The following CPEB1 variants were observed in gnomAD, a reference collection of about 807,000 sequenced individuals.
CPEB1 encodes the protein cytoplasmic polyadenylation element-binding protein 1.
In CPEB1, 7 loss-of-function variants were observed where a neutral mutation model predicts 65.8. The ratio of observed to expected loss-of-function variants is 0.11; its 90% CI spans 0.06 to 0.20. The LOEUF (loss-of-function observed/expected upper bound fraction) is 0.20. CPEB1 is among the 10% of genes least tolerant of loss of function. CPEB1 has a pLI of 1.00. For missense variants in CPEB1, 551 were observed against 712.2 expected, an observed-to-expected ratio of 0.77 and a Z score of 2.58; for synonymous variants, 262 against 260.0, an observed-to-expected ratio of 1.01 and a Z score of -0.08.
intron 4 of CPEB1, among the ~76,000 whole-genome samples, chr15:82,560,094 C>T (rs2037941917): frequency 6.6e-6 from 1 of 152,106 alleles, no homozygotes; most frequent in African/African-American, 2.4e-5. Flanking sequence ...AAAAAAGTTC[C>T]TTGACAAACT....
At chr15:82,584,571 T>G (rs1156360958) in intron 3 of CPEB1, among the ~76,000 whole-genome samples, 7 of 148,720 alleles carry the variant, frequency 4.7e-5, no homozygotes, top group Admixed American at 2.0e-4. Context: ...TCAGCTACTC[T>G]AGAGGCTGAG....
chr15:82,567,775 A>T (rs2039396673), intron 4 of CPEB1, among the ~76,000 whole-genome samples: 1 of 152,178 alleles, frequency 6.6e-6, no homozygotes. Context: ...GGGCTTCTGT[A>T]CAAGGCATCA....
At chr15:82,598,408 C>T (rs775596779) in intron 3 of CPEB1, among the ~76,000 whole-genome samples, 5 of 152,066 alleles carry the variant, frequency 3.3e-5, no homozygotes, top group Admixed American at 1.3e-4. Context: ...GCAGGAGAAT[C>T]GCTTGAACGT....
At chr15:82,571,628 G>C in intron 3 of CPEB1, 96 bp from the exon 4 acceptor site, 1 of 1,484,340 alleles carries the variant, frequency 6.7e-7, no homozygotes, top group Non-Finnish European at 8.9e-7. Flanking sequence ...GTTTCCCCAG[G>C]CTCACAGGCC....
intron 3 of CPEB1, among the ~76,000 whole-genome samples, chr15:82,604,182 C>T (rs747556756): frequency 6.6e-6 from 1 of 152,054 alleles, no homozygotes; most frequent in Non-Finnish European, 1.5e-5. Flanking sequence ...GGCTCCATTG[C>T]TACAAAAAAC....
At chr15:82,605,138 C>T (rs766225093) in intron 3 of CPEB1, among the ~76,000 whole-genome samples, 4 of 152,142 alleles carry the variant, frequency 2.6e-5, no homozygotes, top group African/African-American at 7.2e-5. Context: ...AATTTTTTAT[C>T]ACCAACACGA....
At chr15:82,614,407 T>C (rs901791329) in intron 3 of CPEB1, among the ~76,000 whole-genome samples, 3 of 152,198 alleles carry the variant, frequency 2.0e-5, no homozygotes, top group South Asian at 2.1e-4. Context: ...ATATTCTATG[T>C]TTAACAATTT....
At chr15:82,568,386 A>AGC (rs2039486161) in intron 4 of CPEB1, among the ~76,000 whole-genome samples, 1 of 152,182 alleles carries the variant, frequency 6.6e-6, no homozygotes, top group Admixed American at 6.5e-5. Flanking sequence ...GAGAAAGGGT[A>AGC]GCACTGGGGT....
intron 4 of CPEB1, among the ~76,000 whole-genome samples, chr15:82,566,461 A>G (rs1165336831): frequency 2.0e-5 from 3 of 152,068 alleles, no homozygotes; most frequent in African/African-American, 7.2e-5. Flanking sequence ...CATTCATTCC[A>G]TGTATGAAAA....
intron 1 of CPEB1, among the ~76,000 whole-genome samples, chr15:82,646,678 GC>G (rs71455415): frequency 0.015 from 2,220 of 152,336 alleles, 28 homozygotes; most frequent in East Asian, 0.023. Flanking sequence ...CGGGGTCAAC[GC>G]GGGGCCGCTC....
rs138778202 is a variant in CPEB1 at position 82,627,077 on chromosome 15, G to A, written c.271+116C>T. 2,135 of 790,154 alleles carry A rather than the reference G, an allele frequency of 2.7e-3. 10 individuals carry two copies. Among genetic ancestry groups the A allele is most frequent in the Middle Eastern group, 0.015 (38 of 2,524 alleles). The allele number at this position is 790,154 out of a possible 1,614,324, so 48.9% of individuals were successfully genotyped here. On this transcript the variant is annotated intron_variant, in intron 3 of 12. Coordinates refer to ENST00000684509, the MANE Select transcript of CPEB1 (RefSeq NM_001365242.1). ...ACTAAACCACAAAAAGGCAAGTATT[G>A]CCAGCAACTCAACATTGTTCTTCAC...
At chr15:82,558,175 G>A (rs17507216) in intron 4 of CPEB1, among the ~76,000 whole-genome samples, 189 bp from the exon 5 acceptor site, 28,208 of 152,198 alleles carry the variant, frequency 0.19, 2,862 homozygotes, top group Non-Finnish European at 0.24. Flanking sequence ...CCTTGTTAGA[G>A]GAAGTTACAA....
intron 3 of CPEB1, among the ~76,000 whole-genome samples, chr15:82,589,028 CTT>C (rs1028293952): frequency 1.3e-5 from 2 of 152,206 alleles, no homozygotes; most frequent in African/African-American, 2.4e-5. Flanking sequence ...CCGCAATCGT[CTT>C]GTTGAACCTA....
chr15:82,579,257 TTC>T (rs2040980020), intron 3 of CPEB1, among the ~76,000 whole-genome samples: 1 of 151,386 alleles, frequency 6.6e-6, no homozygotes, highest in South Asian at 2.1e-4. Context: ...AGCCCAGGAG[TTC>T]AAGACTGCCT....
upstream of CPEB1, chr15:82,647,438 C>T (rs917901890): frequency 1.2e-5 from 2 of 163,012 alleles, no homozygotes; most frequent in Non-Finnish European, 2.6e-5. Flanking sequence ...TAAAGAGACC[C>T]GCAGGGGGCG....
At chr15:82,563,360 T>TTC (rs1350846754) in intron 4 of CPEB1, among the ~76,000 whole-genome samples, 1 of 143,976 alleles carries the variant, frequency 6.9e-6, no homozygotes, top group East Asian at 2.0e-4. Context: ...CTCTATTCTT[T>TTC]TTTTTTTTTT....
At chr15:82,635,743 A>G (rs1028628649) in intron 1 of CPEB1, among the ~76,000 whole-genome samples, 5 of 152,240 alleles carry the variant, frequency 3.3e-5, no homozygotes, top group African/African-American at 1.2e-4. Context: ...GATCAAGCAT[A>G]AAATGCTATA....
At chr15:82,597,455 G>A (rs995352780) in intron 3 of CPEB1, among the ~76,000 whole-genome samples, 23 of 152,340 alleles carry the variant, frequency 1.5e-4, no homozygotes, top group Non-Finnish European at 2.8e-4. Context: ...GCAGGGGGAA[G>A]CATATTACAG....
intron 4 of CPEB1, among the ~76,000 whole-genome samples, chr15:82,561,436 A>G (rs2038182008): frequency 6.6e-6 from 1 of 152,188 alleles, no homozygotes; most frequent in Non-Finnish European, 1.5e-5. Context: ...CACAGCAGAG[A>G]GCTCTGAGAG....
Sources: gnomAD v4.1 joint callset for allele counts (sites outside exome capture counted in the v4.1 genomes callset) on GRCh38, gnomAD v4.1.1 for gene constraint, MANE v1.5 for transcripts, NCBI Gene and HGNC (gene_info 2026-07-23, HGNC 2026-07-21) for gene names.